CPVL: variants seen among roughly 807,000 people sequenced by gnomAD.
The protein encoded by CPVL is carboxypeptidase vitellogenic like, also known as probable serine carboxypeptidase CPVL.
CPVL carries 51 observed loss-of-function variants against 63.7 expected under a neutral mutation model. That is an observed-to-expected ratio of 0.80 (90% CI 0.64 to 1.01). The LOEUF is 1.01. Among genes scored for constraint, CPVL ranks in the 50% least tolerant of loss-of-function variants. The pLI, the probability that CPVL is intolerant of heterozygous loss-of-function variation, is 0.00. For synonymous variants in CPVL, 195 were observed against 206.0 expected, an observed-to-expected ratio of 0.95 and a Z score of 0.46; for missense variants, 530 against 573.1, an observed-to-expected ratio of 0.92 and a Z score of 0.77.
In CPVL at chr7:29,090,910, G is replaced by A. The variant is rs536356558; in HGVS notation, c.542+1713C>T. On this transcript the variant is annotated intron_variant, in intron 6 of 12. Coordinates refer to ENST00000265394, the MANE Select transcript of CPVL (RefSeq NM_031311.5). ...AAAAGAAAGTTGGTTTTCAAAGGGAGAAAATGAAAGCTCCACTCTTTAAAC... is the reference window on the plus strand; with the variant it reads ...AAAAGAAAGTTGGTTTTCAAAGGGAAAAAATGAAAGCTCCACTCTTTAAAC... 2.6e-5 allele frequency among the ~76,000 whole-genome samples: 4 copies of A among 152,308 alleles called. No individual in the cohort carries two copies. The East Asian group carries it at 7.7e-4, about 29-fold the overall frequency.
intron 12 of CPVL, among the ~76,000 whole-genome samples, chr7:28,996,427 C>A (rs1416972047): frequency 6.6e-6 from 1 of 151,438 alleles, no homozygotes; most frequent in African/African-American, 2.4e-5. Context: ...TTGACTGAGG[C>A]AGGAAGATGA....
chr7:29,130,701 T>A (rs1160223659), intron 1 of CPVL, among the ~76,000 whole-genome samples: 3 of 152,178 alleles, frequency 2.0e-5, no homozygotes, highest in Admixed American at 6.5e-5. Context: ...GATGTCAAAG[T>A]CCACGTATTT....
chr7:29,161,630 A>G (rs547398273), intron 5 of CPVL, among the ~76,000 whole-genome samples: 90 of 152,250 alleles, frequency 5.9e-4, no homozygotes, highest in Non-Finnish European at 1.0e-3. Flanking sequence ...CACGATGGGT[A>G]GACTGGCCTT....
At chr7:29,084,684 A>C (rs374958771) in intron 7 of CPVL, among the ~76,000 whole-genome samples, 17 of 152,320 alleles carry the variant, frequency 1.1e-4, no homozygotes, top group African/African-American at 3.8e-4. Context: ...AAACCCTAAA[A>C]CTGAAACCAA....
At chr7:29,003,889 G>A (rs1273724185) in intron 12 of CPVL, among the ~76,000 whole-genome samples, 1 of 152,072 alleles carries the variant, frequency 6.6e-6, no homozygotes, top group African/African-American at 2.4e-5. Context: ...ATCTAATGCT[G>A]CCACTGATTT....
intron 11 of CPVL, among the ~76,000 whole-genome samples, chr7:29,061,616 C>T (rs887530663): frequency 2.0e-5 from 3 of 152,080 alleles, no homozygotes; most frequent in African/African-American, 7.2e-5. Context: ...CCACCTTACC[C>T]TCACATGGCT....
chr7:29,152,739 C>T (rs141997765), intron 5 of CPVL, among the ~76,000 whole-genome samples: 178 of 152,320 alleles, frequency 1.2e-3, no homozygotes, highest in African/African-American at 4.0e-3. Context: ...GAAGAGTTAA[C>T]GCCATTTTGT....
intron 12 of CPVL, among the ~76,000 whole-genome samples, chr7:29,006,909 ATTTG>A (rs1025100392): frequency 7.7e-5 from 4 of 51,978 alleles, no homozygotes; most frequent in African/African-American, 6.8e-4. Flanking sequence ...CTTCCGCCTT[ATTTG>A]TTTATTTCTT....
At position 29,030,563 on chromosome 7, in the gene CPVL, A is replaced by C; in HGVS notation, c.1320+14T>G. 6.2e-7 allele frequency: 1 copy of C among 1,605,692 alleles called. No homozygotes were observed. Among genetic ancestry groups the C allele is most frequent in the Non-Finnish European group, 8.5e-7 (1 of 1,175,986 alleles). ...CCATTCCCACAACCTGCCTGCTCCC[A>C]AGCATCTTCCTACCTGATGGAAGTC... On this transcript the variant is annotated intron_variant, in intron 12 of 12. Coordinates refer to ENST00000265394, the MANE Select transcript of CPVL (RefSeq NM_031311.5).
At chr7:29,026,580 A>G (rs1787514428) in intron 12 of CPVL, among the ~76,000 whole-genome samples, 1 of 152,068 alleles carries the variant, frequency 6.6e-6, no homozygotes, top group Admixed American at 6.5e-5. Context: ...AATAAAATCA[A>G]TAAACTAGAC....
intron 12 of CPVL, among the ~76,000 whole-genome samples, chr7:29,004,886 TTTTTC>T (rs992897436): frequency 1.3e-5 from 2 of 148,334 alleles, no homozygotes; most frequent in Non-Finnish European, 3.0e-5. Context: ...ATATGTCTTT[TTTTTC>T]TTTTCTTTTC....
intron 12 of CPVL, among the ~76,000 whole-genome samples, chr7:28,997,893 G>A (rs1451005184): frequency 2.0e-5 from 3 of 150,974 alleles, no homozygotes; most frequent in African/African-American, 7.2e-5. Context: ...TTGCAGATGT[G>A]GGACCAGACT....
At position 29,096,130 on chromosome 7, in the gene CPVL, G is replaced by A; in HGVS notation, c.376C>T (p.Pro126Ser). 6.2e-7 allele frequency: 1 copy of A among 1,613,886 alleles called. No homozygotes were observed. The highest frequency in any genetic ancestry group is 8.5e-7 in the Non-Finnish European group (1 of 1,179,796). ...SMFGLFVEHGPYVVTSNMTLR... is the reference protein window; with the variant it reads ...SMFGLFVEHGSYVVTSNMTLR... ...GTCATGTTACTTGTGACAACATAAG[G>A]CCCATGTTCCACAAAGAGTCCAAAC... Residue 126 changes from proline (P) to serine (S), a missense_variant, in exon 4 of 13, where the codon CCT becomes TCT. Pro to Ser is a moderately conservative substitution (Grantham distance 74, BLOSUM62 -1). Transcript: ENST00000265394.
chr7:29,178,477 C>T (rs1033542022), intron 5 of CPVL, among the ~76,000 whole-genome samples: 2 of 152,142 alleles, frequency 1.3e-5, no homozygotes, highest in African/African-American at 2.4e-5. Flanking sequence ...CCCTTTAAAT[C>T]TGCTGTTCCC....
chr7:29,133,160 T>C (rs1203651129), intron 1 of CPVL, among the ~76,000 whole-genome samples: 1 of 150,940 alleles, frequency 6.6e-6, no homozygotes, highest in East Asian at 1.9e-4. Context: ...CTGAATACCC[T>C]CTATTATTGC....
intron 11 of CPVL, among the ~76,000 whole-genome samples, chr7:29,046,298 C>A (rs1789605187): frequency 6.6e-6 from 1 of 152,084 alleles, no homozygotes; most frequent in African/African-American, 2.4e-5. Flanking sequence ...ATTGGCCAGG[C>A]TGGTCTCAAA....
At chr7:29,149,171 A>C (rs1022185328), upstream of CPVL, among the ~76,000 whole-genome samples, 1 of 142,168 alleles carries the variant, frequency 7.0e-6, no homozygotes, top group East Asian at 2.2e-4. Context: ...AAATTAGTAG[A>C]TTGGGAAGTC....
At chr7:29,044,628 A>G (rs965946079) in intron 11 of CPVL, among the ~76,000 whole-genome samples, 4 of 152,212 alleles carry the variant, frequency 2.6e-5, no homozygotes, top group Admixed American at 2.0e-4. Flanking sequence ...CATAAGGAAT[A>G]AAGATGGAGT....
At chr7:29,163,558 A>G (rs1042638396) in intron 5 of CPVL, among the ~76,000 whole-genome samples, 3 of 152,110 alleles carry the variant, frequency 2.0e-5, no homozygotes, top group South Asian at 2.1e-4. Context: ...TTTTTTTACA[A>G]TCTTATTAAG....
Sources: allele counts gnomAD v4.1 joint callset (sites outside exome capture counted in the v4.1 genomes callset), GRCh38; gene constraint gnomAD v4.1.1; transcripts MANE v1.5; gene names NCBI Gene and HGNC (gene_info 2026-07-23, HGNC 2026-07-21).